The following HEATR1 variants were observed in gnomAD, a reference collection of about 807,000 sequenced individuals.
HEATR1 encodes the protein HEAT repeat-containing protein 1.
A neutral mutation model predicts 248.2 loss-of-function variants in HEATR1; 77 were observed. The observed-to-expected ratio is 0.31, with a 90% CI of 0.26 to 0.37. The LOEUF (loss-of-function observed/expected upper bound fraction) is 0.37. HEATR1 is among the 10% of genes least tolerant of loss of function. The probability of loss-of-function intolerance (pLI) is 1.00; values close to 1 mark genes in which losing one functional copy is unlikely to be tolerated. For missense variants in HEATR1, 2,420 were observed against 2,504.9 expected, an observed-to-expected ratio of 0.97 and a Z score of 0.72; for synonymous variants, 897 against 923.1, an observed-to-expected ratio of 0.97 and a Z score of 0.51.
chr1:236,592,193 T>C (rs992356322), intron 10 of HEATR1, 83 bp from the exon 11 acceptor site: 7 of 743,578 alleles, frequency 9.4e-6, no homozygotes, highest in Admixed American at 7.6e-5. Flanking sequence ...AGGAAAGACA[T>C]AAAATCTTAA....
intron 17 of HEATR1, among the ~76,000 whole-genome samples, chr1:236,583,462 G>A (rs1397767290): frequency 6.6e-6 from 1 of 150,604 alleles, no homozygotes; most frequent in East Asian, 1.9e-4. Flanking sequence ...CCAATAAAGG[G>A]TAGGAATAAA....
chr1:236,584,591 C>G (rs2794766), intron 17 of HEATR1, among the ~76,000 whole-genome samples: 1 of 151,838 alleles, frequency 6.6e-6, no homozygotes. Flanking sequence ...CTATGAAAGA[C>G]AGTAGTAGGC....
chr1:236,555,365 T>G lies in HEATR1; in HGVS notation c.5854A>C (p.Thr1952Pro), dbSNP rs2103123881. 1 of 1,614,182 alleles carries G rather than the reference T, an allele frequency of 6.2e-7. No homozygotes were observed. Among genetic ancestry groups the G allele is most frequent in the East Asian group, 2.2e-5 (1 of 44,882 alleles). Residue 1952 changes from threonine to proline, a missense_variant, in exon 41 of 45, where the codon ACT becomes CCT. By Grantham distance (38) the Thr-to-Pro change is conservative. Transcript: ENST00000366582. Reference protein sequence around the residue: ...CIAEKLKGLFTLFAGHLVKPF... With the variant: ...CIAEKLKGLFPLFAGHLVKPF... ...TTCACTAAGTGGCCGGCAAACAGAG[T>G]AAAAAGCCCTTTCAGCTTTTCAGCA... is the stretch of plus-strand genomic sequence containing the variant.
At position 236,566,841 on chromosome 1, in the gene HEATR1, G is replaced by A. The variant is rs1196934880; in HGVS notation, c.4113C>T (p.Asn1371=). The change falls in exon 30 of 45, where the codon AAC becomes AAT. Residue 1371 remains asparagine (N), a synonymous_variant. Transcript: ENST00000366582. ...DSGDSIEVSR[N]VEEIVVKIIS... Reference sequence around the variant, plus strand: ...TGATTTTTACCACAATCTCTTCAACGTTTCTTGAAACTTCTATAGAATCTC... The same window carrying A: ...TGATTTTTACCACAATCTCTTCAACATTTCTTGAAACTTCTATAGAATCTC... The A allele has an allele frequency of 1.3e-5, 21 of 1,613,828 alleles. No individual in the cohort carries two copies. Among genetic ancestry groups the A allele is most frequent in the African/African-American group, 2.7e-5 (2 of 74,886 alleles).
chr1:236,593,994 T>G lies in HEATR1; in HGVS notation c.1193+18A>C. The G allele has an allele frequency of 6.7e-7, 1 of 1,496,444 alleles. No homozygotes were observed. Among genetic ancestry groups the G allele is most frequent in the Non-Finnish European group, 9.1e-7 (1 of 1,096,206 alleles). 92.7% of individuals were successfully genotyped at this position (1,496,444 alleles called of 1,614,324 possible). ...CACAAAAATGTAAATCAAAAGCATG[T>G]CAAAAATAATAGCTTACCTAGCCAA... On this transcript the variant is annotated intron_variant, in intron 9 of 44. Coordinates refer to ENST00000366582, the MANE Select transcript of HEATR1 (RefSeq NM_018072.6).
chr1:236,558,601 A>G (rs556795983), intron 35 of HEATR1, 72 bp from the exon 36 acceptor site: 70 of 1,441,246 alleles, frequency 4.9e-5, no homozygotes, highest in Non-Finnish European at 5.6e-5. Flanking sequence ...CCATTGTCAC[A>G]GCTTGAGATT....
chr1:236,566,925 C>G, intron 29 of HEATR1, 49 bp from the exon 30 acceptor site: 1 of 1,277,044 alleles, frequency 7.8e-7, no homozygotes, highest in Non-Finnish European at 1.1e-6. Flanking sequence ...TAATCTTCCA[C>G]AAAACAAGTT....
At chr1:236,588,714 A>T (rs182650787) in intron 12 of HEATR1, among the ~76,000 whole-genome samples, 6 of 152,364 alleles carry the variant, frequency 3.9e-5, no homozygotes, top group Admixed American at 3.9e-4. Flanking sequence ...TAGGACTGCT[A>T]ATCAACCTGA....
At chr1:236,586,060 G>T in intron 15 of HEATR1, 119 bp from the exon 16 acceptor site, 2 of 1,357,530 alleles carry the variant, frequency 1.5e-6, no homozygotes, top group Non-Finnish European at 2.0e-6. Context: ...ATTTTTCCTT[G>T]TATCCGATTC....
In HEATR1 at chr1:236,599,555, T is replaced by C; in HGVS notation, c.429A>G (p.Ile143Met). The change falls in exon 4 of 45, where the codon ATA (isoleucine) becomes ATG (methionine). Residue 143 changes from isoleucine to methionine, a missense_variant. Physicochemically the swap from Ile to Met is conservative, Grantham distance 10. Coordinates refer to ENST00000366582, the MANE Select transcript of HEATR1 (RefSeq NM_018072.6). ...ACVLPYHETR[I>M]FVRVIQLLKI... ...TTAGAAGCTGTATGACTCGCACAAATATTCTTGTCTCGTGGTATGGCAGAA... is the reference window on the plus strand; with the variant it reads ...TTAGAAGCTGTATGACTCGCACAAACATTCTTGTCTCGTGGTATGGCAGAA... 1 of 1,613,832 alleles carries C rather than the reference T, an allele frequency of 6.2e-7. No individual in the cohort carries two copies. The highest frequency in any genetic ancestry group is 8.5e-7 in the Non-Finnish European group (1 of 1,179,806).
At chr1:236,582,456 A>G (rs2853591) in intron 19 of HEATR1, among the ~76,000 whole-genome samples, 90,688 of 150,074 alleles carry the variant, frequency 0.6, 29,256 homozygotes, top group Non-Finnish European at 0.72. Context: ...AGGCTGGAGT[A>G]CGGTGGTGTG....
chr1:236,560,404 G>T (rs1033736571), intron 33 of HEATR1, among the ~76,000 whole-genome samples: 20 of 152,158 alleles, frequency 1.3e-4, no homozygotes, highest in African/African-American at 4.3e-4. Flanking sequence ...CAACACAGCT[G>T]CCACTGGAGA....
chr1:236,591,890 T>A, intron 11 of HEATR1, 103 bp downstream of exon 11: 1 of 647,718 alleles, frequency 1.5e-6, no homozygotes, highest in Non-Finnish European at 2.7e-6. Flanking sequence ...TCTGTAAAAT[T>A]TTCCACACAA....
At chr1:236,559,523 C>A (rs905130931) in intron 34 of HEATR1, among the ~76,000 whole-genome samples, 191 bp downstream of exon 34, 1 of 152,104 alleles carries the variant, frequency 6.6e-6, no homozygotes, top group Non-Finnish European at 1.5e-5. Flanking sequence ...GTTCTCATAA[C>A]TGGTAAGGAA....
At chr1:236,578,133 A>G (rs947685978) in intron 20 of HEATR1, among the ~76,000 whole-genome samples, 5 of 152,190 alleles carry the variant, frequency 3.3e-5, no homozygotes, top group African/African-American at 1.2e-4. Flanking sequence ...GGGAGAGATC[A>G]TATGTACCTC....
At chr1:236,572,645 G>A in intron 25 of HEATR1, 80 bp downstream of exon 25, 1 of 1,593,356 alleles carries the variant, frequency 6.3e-7, no homozygotes, top group South Asian at 1.1e-5. Context: ...AAATTGATGA[G>A]TATCAAAAAG....
At position 236,604,143 on chromosome 1, in the gene HEATR1, C is replaced by A; in HGVS notation, c.-32-16G>T. The A allele has an allele frequency of 6.6e-7, 1 of 1,524,534 alleles. No homozygotes were observed. The highest frequency in any genetic ancestry group is 8.7e-7 in the Non-Finnish European group (1 of 1,144,058). The allele number at this position is 1,524,534 out of a possible 1,614,324, so 94.4% of individuals were successfully genotyped here. On this transcript the variant is annotated splice_polypyrimidine_tract_variant and intron_variant, in intron 1 of 44. Transcript: ENST00000366582. The stretch of plus-strand genomic sequence containing the variant: ...ATGACACGGGCTAAAAAAACGTAAG[C>A]ACTTTGATAAGTTTCTACGAAATTA...
At chr1:236,561,127 T>C (rs1663119209) in intron 33 of HEATR1, 98 bp downstream of exon 33, 1 of 877,928 alleles carries the variant, frequency 1.1e-6, no homozygotes, top group Admixed American at 2.1e-5. Flanking sequence ...TGAACCTGGT[T>C]GTAAAGAGTA....
At chr1:236,568,370 A>T (rs1663329350) in intron 29 of HEATR1, among the ~76,000 whole-genome samples, 1 of 152,256 alleles carries the variant, frequency 6.6e-6, no homozygotes, top group Non-Finnish European at 1.5e-5. Flanking sequence ...GAAGGTGCTG[A>T]ATATGGTCAT....
Sources: allele counts gnomAD v4.1 joint callset (sites outside exome capture counted in the v4.1 genomes callset), GRCh38; gene constraint gnomAD v4.1.1; transcripts MANE v1.5; gene names NCBI Gene and HGNC (gene_info 2026-07-23, HGNC 2026-07-21).